ROBO1: variants seen among roughly 807,000 people sequenced by gnomAD.
ROBO1 encodes the protein roundabout guidance receptor 1.
A neutral mutation model predicts 195.9 loss-of-function variants in ROBO1; 149 were observed. The ratio of observed to expected loss-of-function variants is 0.76; its 90% CI spans 0.67 to 0.87. The LOEUF (loss-of-function observed/expected upper bound fraction) is 0.87. Among genes scored for constraint, ROBO1 ranks in the 40% least tolerant of loss-of-function variants. The pLI, the probability that ROBO1 is intolerant of heterozygous loss-of-function variation, is 0.00. For missense variants in ROBO1, 1,933 were observed against 2,068.3 expected, an observed-to-expected ratio of 0.93 and a Z score of 1.27; for synonymous variants, 816 against 733.2, an observed-to-expected ratio of 1.11 and a Z score of -1.82.
chr3:79,354,064 T>A (rs1472252043), intron 2 of ROBO1, among the ~76,000 whole-genome samples: 1 of 151,938 alleles, frequency 6.6e-6, no homozygotes, highest in African/African-American at 2.4e-5. Context: ...AAAAAAGTTA[T>A]TAAGTTATTG....
At chr3:79,332,160 A>T (rs1236193818) in intron 2 of ROBO1, among the ~76,000 whole-genome samples, 6 of 151,428 alleles carry the variant, frequency 4.0e-5, no homozygotes. Context: ...GAAAAAAAAA[A>T]AAAAAAGAAT....
intron 1 of ROBO1, among the ~76,000 whole-genome samples, chr3:79,612,519 A>T (rs1303631564): frequency 6.6e-6 from 1 of 151,784 alleles, no homozygotes; most frequent in East Asian, 2.0e-4. Context: ...TAGCAGCATG[A>T]TTTATAGTCC....
chr3:78,888,670 T>A (rs1357623412), intron 4 of ROBO1, among the ~76,000 whole-genome samples: 1 of 152,200 alleles, frequency 6.6e-6, no homozygotes, highest in African/African-American at 2.4e-5. Flanking sequence ...ACCCTCTGGG[T>A]TGCTTTTTTG....
At chr3:79,000,966 T>C (rs1284693464) in intron 3 of ROBO1, among the ~76,000 whole-genome samples, 3 of 152,138 alleles carry the variant, frequency 2.0e-5, no homozygotes, top group Non-Finnish European at 4.4e-5. Context: ...TACATGTCCT[T>C]TGCAGGGACA....
At chr3:78,913,086 A>G (rs2038346148) in intron 4 of ROBO1, among the ~76,000 whole-genome samples, 1 of 152,182 alleles carries the variant, frequency 6.6e-6, no homozygotes, top group Admixed American at 6.5e-5. Context: ...TATATTTACC[A>G]TTATATCAGT....
At chr3:78,750,919 T>C (rs2082777224) in intron 4 of ROBO1, among the ~76,000 whole-genome samples, 1 of 152,216 alleles carries the variant, frequency 6.6e-6, no homozygotes, top group Admixed American at 6.5e-5. Context: ...GGTATTCTGA[T>C]TACCAGTGAA....
chr3:78,606,555 G>A (rs1703467410), intron 29 of ROBO1, among the ~76,000 whole-genome samples, 178 bp downstream of exon 29: 1 of 152,132 alleles, frequency 6.6e-6, no homozygotes, highest in South Asian at 2.1e-4. Context: ...GTGATGTTGA[G>A]TATAAAGGCA....
At chr3:79,177,108 T>C (rs1237125231) in intron 2 of ROBO1, among the ~76,000 whole-genome samples, 1 of 149,560 alleles carries the variant, frequency 6.7e-6, no homozygotes, top group Non-Finnish European at 1.5e-5. Context: ...ATTTCAGTAC[T>C]TTTTTTAAAA....
intron 1 of ROBO1, among the ~76,000 whole-genome samples, chr3:79,767,188 A>T (rs1705044446): frequency 6.6e-6 from 1 of 152,094 alleles, no homozygotes; most frequent in Admixed American, 6.5e-5. Flanking sequence ...AATGCTTTCA[A>T]AGTTTGGAAG....
At chr3:78,646,088 G>T in intron 21 of ROBO1, 60 bp downstream of exon 21, 1 of 1,403,788 alleles carries the variant, frequency 7.1e-7, no homozygotes, top group Non-Finnish European at 1.0e-6. Context: ...GTGTCATTGA[G>T]GAAGATGAAG....
intron 8 of ROBO1, among the ~76,000 whole-genome samples, chr3:78,710,260 A>C (rs1204946786): frequency 6.6e-6 from 1 of 152,138 alleles, no homozygotes; most frequent in African/African-American, 2.4e-5. Flanking sequence ...TTTTGTAGAG[A>C]TGGAGCCATG....
intron 2 of ROBO1, among the ~76,000 whole-genome samples, chr3:79,222,334 C>T (rs1197981418): frequency 1.3e-5 from 2 of 151,960 alleles, no homozygotes; most frequent in Non-Finnish European, 2.9e-5. Flanking sequence ...TTTCATGGGG[C>T]AAATGAAGTT....
intron 9 of ROBO1, 30 bp downstream of exon 9, chr3:78,688,618 T>TAA: frequency 1.3e-5 from 16 of 1,196,676 alleles, no homozygotes; most frequent in Admixed American, 5.1e-5. Context: ...TTTGCTGATT[T>TAA]AAAAAAAAAA....
intron 2 of ROBO1, among the ~76,000 whole-genome samples, chr3:79,133,948 A>T (rs1283554994): frequency 6.6e-6 from 1 of 152,062 alleles, no homozygotes; most frequent in African/African-American, 2.4e-5. Context: ...CTGCCGTGTG[A>T]GGTGTCACCA....
At chr3:79,537,554 A>C (rs1345199057) in intron 2 of ROBO1, among the ~76,000 whole-genome samples, 3 of 152,180 alleles carry the variant, frequency 2.0e-5, no homozygotes, top group African/African-American at 7.2e-5. Flanking sequence ...ATATTTCTGC[A>C]CCAGAAATGC....
chr3:78,638,474 G>T (rs572310622), intron 22 of ROBO1, among the ~76,000 whole-genome samples: 199 of 151,710 alleles, frequency 1.3e-3, no homozygotes, highest in African/African-American at 4.6e-3. Flanking sequence ...TGCTATTAAA[G>T]AATTTGGTTC....
At chr3:78,977,702 C>T (rs1209690108) in intron 3 of ROBO1, among the ~76,000 whole-genome samples, 1 of 151,706 alleles carries the variant, frequency 6.6e-6, no homozygotes, top group Non-Finnish European at 1.5e-5. Flanking sequence ...ATCTCCTGAT[C>T]CACCTAGAAA....
At chr3:79,602,056 A>T (rs1000424703) in intron 1 of ROBO1, among the ~76,000 whole-genome samples, 2 of 151,940 alleles carry the variant, frequency 1.3e-5, no homozygotes, top group Non-Finnish European at 2.9e-5. Context: ...AAATTTTTAG[A>T]TTGCTTAAGA....
intron 2 of ROBO1, among the ~76,000 whole-genome samples, chr3:79,369,691 CT>C (rs1211288100): frequency 7.4e-6 from 1 of 135,000 alleles, no homozygotes; most frequent in Non-Finnish European, 1.6e-5. Flanking sequence ...TTTTTTTTTT[CT>C]TTTGATCTTT....
Sources: allele counts gnomAD v4.1 joint callset (sites outside exome capture counted in the v4.1 genomes callset), GRCh38; gene constraint gnomAD v4.1.1; transcripts MANE v1.5; gene names NCBI Gene and HGNC (gene_info 2026-07-23, HGNC 2026-07-21).